The following SLC23A2 variants were observed in gnomAD, a reference collection of about 807,000 sequenced individuals.
SLC23A2 encodes solute carrier family 23 member 2.
SLC23A2 carries 36 observed loss-of-function variants against 73.3 expected under a neutral mutation model. The observed-to-expected ratio is 0.49, with a 90% confidence interval of 0.38 to 0.65. The LOEUF is 0.65. SLC23A2 is among the 30% of genes least tolerant of loss of function. The pLI is 0.00. For missense variants in SLC23A2, 507 were observed against 841.6 expected, an observed-to-expected ratio of 0.60 and a Z score of 4.92; for synonymous variants, 343 against 327.3, an observed-to-expected ratio of 1.05 and a Z score of -0.52.
At chr20:4,924,404 G>A (rs1240948056) in intron 3 of SLC23A2, among the ~76,000 whole-genome samples, 3 of 152,250 alleles carry the variant, frequency 2.0e-5, no homozygotes, top group Middle Eastern at 3.4e-3. Flanking sequence ...ACAGAAACTA[G>A]GTCTGCTCCA....
chr20:4,933,907 C>T (rs1359132665), intron 2 of SLC23A2, among the ~76,000 whole-genome samples: 1 of 152,160 alleles, frequency 6.6e-6, no homozygotes, highest in Non-Finnish European at 1.5e-5. Flanking sequence ...AAGTACAGAA[C>T]TTGCTGTTTG....
intron 1 of SLC23A2, among the ~76,000 whole-genome samples, chr20:4,985,812 G>A (rs139042003): frequency 7.2e-5 from 11 of 152,248 alleles, no homozygotes; most frequent in East Asian, 3.9e-4. Context: ...AACAGACTGC[G>A]GATTAGTGTT....
rs902367037 is a variant in SLC23A2, at chr20:4,914,465, G to A, written c.109-1487C>T. Among the ~76,000 whole-genome samples the A allele has an allele frequency of 2.5e-4, 38 of 152,124 alleles. 1 individual carries two copies. The highest frequency in any genetic ancestry group is 8.9e-4 in the African/African-American group (37 of 41,526). On this transcript the variant is annotated intron_variant, in intron 3 of 16. Transcript: ENST00000338244. ...CAGGTATTGACCAAGGTATGGGGGA[G>A]AGTTACTCTCCTGTGTTCTTGGAGA... is the stretch of plus-strand genomic sequence containing the variant.
chr20:4,936,273 G>C lies in SLC23A2; in HGVS notation c.-154-3557C>G, dbSNP rs1427044366. Among the ~76,000 whole-genome samples the C allele has an allele frequency of 2.6e-5, 4 of 152,180 alleles. No homozygotes were observed. The East Asian group carries it at 7.7e-4, about 29-fold the overall frequency. On this transcript the variant is annotated intron_variant, in intron 2 of 16. Transcript: ENST00000338244. ...GTGGACCTCTGCCTTGAGACCACCA[G>C]AAGTTTATTTTTTCAGAAAATAAAA...
upstream of SLC23A2, among the ~76,000 whole-genome samples, chr20:5,002,533 G>A (rs539827566): frequency 3.2e-4 from 49 of 152,330 alleles, no homozygotes; most frequent in African/African-American, 1.1e-3. Flanking sequence ...GTGTCTGTCT[G>A]ACCTCACATG....
intron 2 of SLC23A2, among the ~76,000 whole-genome samples, chr20:4,958,691 T>C (rs1357819447): frequency 1.3e-5 from 2 of 151,674 alleles, no homozygotes; most frequent in East Asian, 3.9e-4. Flanking sequence ...GCCTCCCAAA[T>C]TGCTGGGATT....
At chr20:4,918,855 T>A (rs1052115378) in intron 3 of SLC23A2, among the ~76,000 whole-genome samples, 2 of 152,116 alleles carry the variant, frequency 1.3e-5, no homozygotes, top group Non-Finnish European at 2.9e-5. Context: ...AGTAATAAAG[T>A]TCCCCAAATT....
chr20:4,859,284 C>T lies in SLC23A2; in HGVS notation c.1720+5G>A, dbSNP rs754528411. On this transcript the variant is annotated splice_donor_5th_base_variant and intron_variant, in intron 16 of 16. Coordinates refer to ENST00000338244, the MANE Select transcript of SLC23A2 (RefSeq NM_005116.6). ...AAAAAAGTGTGTTTGATATATACCA[C>T]GTACCTGGGATGGTGTTATCCAGGA... 24 of 1,551,440 alleles carry T rather than the reference C, an allele frequency of 1.5e-5. No individual in the cohort carries two copies. The highest frequency in any genetic ancestry group is 8.3e-5 in the African/African-American group (6 of 72,408).
chr20:4,996,992 C>T (rs911850368), intron 1 of SLC23A2, among the ~76,000 whole-genome samples: 25 of 152,128 alleles, frequency 1.6e-4, no homozygotes, highest in African/African-American at 6.0e-4. Context: ...TGGCCTAAAC[C>T]AGCTCCTCCA....
intron 9 of SLC23A2, among the ~76,000 whole-genome samples, chr20:4,876,716 AG>A (rs1399650686): frequency 2.6e-5 from 4 of 152,272 alleles, no homozygotes; most frequent in African/African-American, 9.6e-5. Flanking sequence ...ATAAGCAGAA[AG>A]AAAAAGATAA....
chr20:4,939,839 C>T lies in SLC23A2; in HGVS notation c.-154-7123G>A, dbSNP rs561518556. Among the ~76,000 whole-genome samples the T allele has an allele frequency of 2.4e-4, 36 of 152,038 alleles. No individual in the cohort carries two copies. The South Asian group carries it at 3.1e-3, about 13-fold the overall frequency. ...ATATGTGTGACCTTTATGAAGAAAA[C>T]GATAAAATATTACTGAGGGACATAA... On this transcript the variant is annotated intron_variant, in intron 2 of 16. Coordinates refer to ENST00000338244, the MANE Select transcript of SLC23A2 (RefSeq NM_005116.6).
intron 13 of SLC23A2, among the ~76,000 whole-genome samples, chr20:4,866,889 T>G (rs34825834): frequency 6.6e-6 from 1 of 151,936 alleles, no homozygotes. Context: ...ACGTAGGCCA[T>G]CGAGGATGGT....
chr20:4,955,384 CACACACACACA>C (rs2087269654), intron 2 of SLC23A2, among the ~76,000 whole-genome samples: 1 of 151,848 alleles, frequency 6.6e-6, no homozygotes, highest in African/African-American at 2.4e-5. Flanking sequence ...CACACACACA[CACACACACACA>C]CACCCTAGAA....
chr20:4,861,860 A>T, intron 15 of SLC23A2, 88 bp downstream of exon 15: 1 of 1,400,894 alleles, frequency 7.1e-7, no homozygotes, highest in Non-Finnish European at 9.9e-7. Context: ...TGGAGGCCCA[A>T]AGTCCTCTCC....
chr20:4,952,848 C>T (rs956035829), intron 2 of SLC23A2, among the ~76,000 whole-genome samples: 1 of 151,834 alleles, frequency 6.6e-6, no homozygotes, highest in Non-Finnish European at 1.5e-5. Flanking sequence ...CATGGTGAAA[C>T]TCCATCTCTA....
intron 3 of SLC23A2, among the ~76,000 whole-genome samples, chr20:4,923,581 T>C (rs1932570633): frequency 6.6e-6 from 1 of 152,204 alleles, no homozygotes. Context: ...CTCTTCATCC[T>C]CAGGCCCTTC....
intron 9 of SLC23A2, among the ~76,000 whole-genome samples, chr20:4,881,225 GTCTT>G (rs1254014504): frequency 6.6e-6 from 1 of 152,242 alleles, no homozygotes; most frequent in African/African-American, 2.4e-5. Context: ...AGATGGAGAT[GTCTT>G]GTGTAACAGT....
intron 4 of SLC23A2, among the ~76,000 whole-genome samples, chr20:4,907,562 T>C (rs1332288160): frequency 6.6e-6 from 1 of 151,876 alleles, no homozygotes. Context: ...CTTTAACCAG[T>C]AAACAAAACC....
chr20:4,996,958 C>G (rs1391642977), intron 1 of SLC23A2, among the ~76,000 whole-genome samples: 1 of 152,102 alleles, frequency 6.6e-6, no homozygotes, highest in Non-Finnish European at 1.5e-5. Flanking sequence ...TTTGGGTATG[C>G]TGGGTTGGCA....
Sources: gnomAD v4.1 joint callset for allele counts (sites outside exome capture counted in the v4.1 genomes callset) on GRCh38, gnomAD v4.1.1 for gene constraint, MANE v1.5 for transcripts, NCBI Gene and HGNC (gene_info 2026-07-23, HGNC 2026-07-21) for gene names.